Variants in SAXO1 observed in about 807,000 individuals in gnomAD.
SAXO1 encodes the protein 4930500O09Rik.
SAXO1 carries 21 observed loss-of-function variants against 17.5 expected under a neutral mutation model. That is an observed-to-expected ratio of 1.20 (90% CI 0.85 to 1.72). The LOEUF is 1.72. Ranked by LOEUF, SAXO1 falls within the 40% of genes most tolerant of loss-of-function variation. The probability of loss-of-function intolerance (pLI) is 0.00; values close to 1 mark genes in which losing one functional copy is unlikely to be tolerated. For missense variants in SAXO1, 843 were observed against 596.0 expected (o/e 1.41, Z -4.32); for synonymous variants, 274 against 216.5 (o/e 1.27, Z -2.33).
In SAXO1 at chr9:18,946,505, T is replaced by C. The variant is rs138563241; in HGVS notation, c.218+4253A>G. On this transcript the variant is annotated intron_variant, in intron 2 of 3. Coordinates refer to ENST00000380534, the MANE Select transcript of SAXO1 (RefSeq NM_153707.4). ...GGCCACCCAAGACACAGAGTTTGCA[T>C]TGTAAATCAAATCAGGTTACCTGCC... Among the ~76,000 whole-genome samples, 1,492 of 152,048 alleles carry C rather than the reference T, an allele frequency of 9.8e-3. 17 individuals are homozygous for C. Among genetic ancestry groups the C allele is most frequent in the African/African-American group, 0.034 (1,390 of 41,460 alleles).
rs771757407 is a variant in SAXO1 at position 18,928,667 on chromosome 9, G to C, written c.810C>G (p.Asn270Lys). 1.9e-6 allele frequency: 3 copies of C among 1,614,162 alleles called. No homozygotes were observed. The highest frequency in any genetic ancestry group is 2.5e-6 in the Non-Finnish European group (3 of 1,180,044). Residue 270 changes from asparagine to lysine, a missense_variant, in exon 4 of 4, where the codon AAC becomes AAG. Physicochemically the swap from Asn to Lys is moderately conservative, Grantham distance 94 (BLOSUM62 0). Transcript: ENST00000380534. Reference sequence around the variant, plus strand: ...GGTACTTATCTCGAAACTCAGTGGTGTTACAGAAAGGCATGTCTAGCCCAG... The same window carrying C: ...GGTACTTATCTCGAAACTCAGTGGTCTTACAGAAAGGCATGTCTAGCCCAG... ...RPPGLDMPFC[N>K]TTEFRDKYQA...
intron 1 of SAXO1, among the ~76,000 whole-genome samples, chr9:19,022,603 T>C (rs1401757962): frequency 2.0e-5 from 3 of 152,214 alleles, no homozygotes; most frequent in Admixed American, 6.5e-5. Flanking sequence ...ATAGTGATTT[T>C]TAAAAATAGT....
intron 2 of SAXO1, among the ~76,000 whole-genome samples, chr9:18,945,243 G>T (rs1316933040): frequency 6.6e-6 from 1 of 151,968 alleles, no homozygotes; most frequent in East Asian, 1.9e-4. Context: ...CTCACTCCTG[G>T]ATACTCCAAG....
intron 1 of SAXO1, among the ~76,000 whole-genome samples, chr9:19,029,870 T>C (rs1420534961): frequency 2.0e-5 from 3 of 152,352 alleles, no homozygotes; most frequent in Middle Eastern, 3.4e-3. Flanking sequence ...CAGTCCAGCA[T>C]GTTATGACCT....
chr9:19,019,228 C>G (rs761909197), intron 1 of SAXO1, among the ~76,000 whole-genome samples: 24 of 152,300 alleles, frequency 1.6e-4, no homozygotes, highest in Non-Finnish European at 1.8e-4. Context: ...CCTTTCAAGT[C>G]CGATGATCAT....
upstream of SAXO1, among the ~76,000 whole-genome samples, chr9:19,034,588 C>T (rs1485912824): frequency 6.6e-6 from 1 of 152,104 alleles, no homozygotes; most frequent in Non-Finnish European, 1.5e-5. Flanking sequence ...GTTCCAACCC[C>T]AGTTATAGGA....
At chr9:18,997,001 T>C (rs910253511) in intron 1 of SAXO1, among the ~76,000 whole-genome samples, 1 of 151,774 alleles carries the variant, frequency 6.6e-6, no homozygotes, top group Non-Finnish European at 1.5e-5. Context: ...TAGGAACAGC[T>C]CTGGTCTACA....
intron 3 of SAXO1, among the ~76,000 whole-genome samples, chr9:18,933,482 G>A (rs1311294267): frequency 6.6e-6 from 1 of 152,168 alleles, no homozygotes; most frequent in Non-Finnish European, 1.5e-5. Flanking sequence ...ACATTTACCA[G>A]TATGCTTTAC....
At chr9:19,018,489 C>T (rs1447131063) in intron 1 of SAXO1, among the ~76,000 whole-genome samples, 1 of 152,204 alleles carries the variant, frequency 6.6e-6, no homozygotes, top group Non-Finnish European at 1.5e-5. Flanking sequence ...GTCATTCCAG[C>T]TTTGCAATGG....
chr9:18,997,018 A>T (rs1392088466), intron 1 of SAXO1, among the ~76,000 whole-genome samples: 1 of 152,218 alleles, frequency 6.6e-6, no homozygotes, highest in African/African-American at 2.4e-5. Flanking sequence ...TACAGCTCCC[A>T]GCGAGACTGA....
chr9:18,938,635 G>T (rs572612688), intron 3 of SAXO1, among the ~76,000 whole-genome samples: 1 of 152,158 alleles, frequency 6.6e-6, no homozygotes, highest in East Asian at 1.9e-4. Context: ...AGATTTCATG[G>T]GGGCAGAGAC....
chr9:19,028,065 C>G (rs779071942), intron 1 of SAXO1: 1 of 1,611,786 alleles, frequency 6.2e-7, no homozygotes. Context: ...AGCTCACCCA[C>G]GAGGACTACA....
At chr9:19,001,591 C>T (rs1172754371) in intron 1 of SAXO1, among the ~76,000 whole-genome samples, 2 of 150,952 alleles carry the variant, frequency 1.3e-5, no homozygotes, top group South Asian at 2.1e-4. Context: ...GGCATGAACC[C>T]GGGAGGCGGA....
chr9:18,943,684 C>T (rs537011486), intron 2 of SAXO1, among the ~76,000 whole-genome samples: 114 of 152,132 alleles, frequency 7.5e-4, no homozygotes, highest in Non-Finnish European at 7.5e-4. Context: ...ATTCCTAAAC[C>T]CTTATAAAAG....
intron 1 of SAXO1, among the ~76,000 whole-genome samples, chr9:19,004,631 C>G (rs971562038): frequency 2.0e-5 from 3 of 152,164 alleles, no homozygotes; most frequent in African/African-American, 4.8e-5. Flanking sequence ...AAACCAAACA[C>G]CACAACTTCT....
At chr9:19,024,012 C>CTTTTTTTTTTT (rs71333077) in intron 1 of SAXO1, among the ~76,000 whole-genome samples, 1 of 38,132 alleles carries the variant, frequency 2.6e-5, no homozygotes, top group Non-Finnish European at 4.6e-5. Context: ...CTCTTTAAGG[C>CTTTTTTTTTTT]TTTTTTTTTT....
Position 19,031,809 on chromosome 9 carries a change from G to T in SAXO1, c.38+1062C>A, listed in dbSNP as rs375943591. ...CTGATAGTTTTCAAACTCCCTGTGT[G>T]ATTCTAATCAGCAGCCAGAGTTGGG... On this transcript the variant is annotated intron_variant, in intron 1 of 3. Coordinates refer to ENST00000380534, the MANE Select transcript of SAXO1 (RefSeq NM_153707.4). Among the ~76,000 whole-genome samples, 5 of 152,134 alleles carry T rather than the reference G, an allele frequency of 3.3e-5. No homozygotes were observed. In the East Asian group the frequency reaches 5.8e-4, roughly 18 times the overall value.
In SAXO1 at chr9:18,989,117, T is replaced by C. The variant is rs969183174; in HGVS notation, c.39-38180A>G. Among the ~76,000 whole-genome samples, 10 of 152,222 alleles carry C rather than the reference T, an allele frequency of 6.6e-5. No individual in the cohort carries two copies. The South Asian group carries it at 1.0e-3, about 16-fold the overall frequency. On this transcript the variant is annotated intron_variant, in intron 1 of 3. Transcript: ENST00000380534. Reference sequence around the variant, plus strand: ...GGTATGACTGATCACTCCTATCATCTATCATTACTTGGAAAATGGCAAATA... The same window carrying C: ...GGTATGACTGATCACTCCTATCATCCATCATTACTTGGAAAATGGCAAATA...
chr9:18,944,402 C>T (rs1020034966), intron 2 of SAXO1, among the ~76,000 whole-genome samples: 1 of 152,200 alleles, frequency 6.6e-6, no homozygotes, highest in Non-Finnish European at 1.5e-5. Flanking sequence ...TCCCCAATCA[C>T]ACATAATCTT....
Sources: gnomAD v4.1 joint callset for allele counts (sites outside exome capture counted in the v4.1 genomes callset) on GRCh38, gnomAD v4.1.1 for gene constraint, MANE v1.5 for transcripts, NCBI Gene and HGNC (gene_info 2026-07-23, HGNC 2026-07-21) for gene names.